ZNF695: variants seen among roughly 807,000 people sequenced by gnomAD.
The protein encoded by ZNF695 is zinc finger protein SBZF3.
In ZNF695, 11 loss-of-function variants were observed where a neutral mutation model predicts 11.2. The observed-to-expected ratio is 0.98, with a 90% CI of 0.62 to 1.62. The LOEUF (loss-of-function observed/expected upper bound fraction) is 1.62, where lower values mean the gene tolerates loss of function less well. Among genes scored for constraint, ZNF695 ranks in the 40% most tolerant of loss-of-function variants. The pLI, the probability that ZNF695 is intolerant of heterozygous loss-of-function variation, is 0.00. For synonymous variants in ZNF695, 190 were observed against 201.4 expected, an observed-to-expected ratio of 0.94 and a Z score of 0.48; for missense variants, 559 against 590.5, an observed-to-expected ratio of 0.95 and a Z score of 0.55.
Position 246,985,935 on chromosome 1 carries a change from G to A in ZNF695, c.*1032C>T. On this transcript the variant is annotated 3_prime_UTR_variant, in exon 4 of 4. Transcript: ENST00000339986. ...CTCTCACAGCTTTCATGTAGCAACAGTAGGCCTCATGCCTTCACATAAACA... is the reference window on the plus strand; with the variant it reads ...CTCTCACAGCTTTCATGTAGCAACAATAGGCCTCATGCCTTCACATAAACA... 1.0e-6 allele frequency: 1 copy of A among 985,452 alleles called. No homozygotes were observed. The highest frequency in any genetic ancestry group is 1.2e-6 in the Non-Finnish European group (1 of 829,934). The allele number at this position is 985,452 out of a possible 1,614,324, so 61.0% of individuals were successfully genotyped here.
chr1:246,974,142 T>TAAAAAAAAA (rs963537852), intron 4 of ZNF695, among the ~76,000 whole-genome samples: 1 of 83,232 alleles, frequency 1.2e-5, no homozygotes, highest in African/African-American at 7.4e-5. Flanking sequence ...TTATTTGGAA[T>TAAAAAAAAA]AAAAAACAAA....
rs533866447 is a variant in ZNF695 at position 246,986,232 on chromosome 1, C to T, written c.*735G>A. The T allele has an allele frequency of 2.4e-4, 132 of 539,358 alleles. 1 individual carries two copies. Among genetic ancestry groups the T allele is most frequent in the Non-Finnish European group, 2.8e-4 (120 of 422,774 alleles). The allele number at this position is 539,358 out of a possible 1,614,324, so 33.4% of individuals were successfully genotyped here. On this transcript the variant is annotated 3_prime_UTR_variant, in exon 4 of 4. Transcript: ENST00000339986. ...AACAGGCATGTGCCACCAAGCCTGG[C>T]TTTTATTTTACTTTTTGTAGAGATG... is the stretch of plus-strand genomic sequence containing the variant.
intron 5 of ZNF695, among the ~76,000 whole-genome samples, chr1:246,963,547 G>A (rs75893330): frequency 3.3e-4 from 50 of 152,296 alleles, no homozygotes; most frequent in Non-Finnish European, 6.2e-4. Context: ...TAAATTCTAC[G>A]CTAGATGACA....
chr1:246,997,636 G>C (rs138551903), intron 3 of ZNF695, among the ~76,000 whole-genome samples: 8 of 152,230 alleles, frequency 5.3e-5, no homozygotes, highest in Admixed American at 5.2e-4. Flanking sequence ...TACAGCATTA[G>C]TCATAATTGC....
At chr1:246,993,238 C>T (rs1007297389) in intron 3 of ZNF695, among the ~76,000 whole-genome samples, 1 of 152,072 alleles carries the variant, frequency 6.6e-6, no homozygotes, top group African/African-American at 2.4e-5. Context: ...GAAACCACAT[C>T]TCTACTAAAA....
rs1255747868 is a variant in ZNF695 at position 246,986,656 on chromosome 1, A to T, written c.*311T>A. 2.8e-6 allele frequency: 3 copies of T among 1,063,932 alleles called. No homozygotes were observed. The highest frequency in any genetic ancestry group is 4.3e-4 in the Middle Eastern group (1 of 2,326). The allele number at this position is 1,063,932 out of a possible 1,614,324, so 65.9% of individuals were successfully genotyped here. A position where few individuals can be genotyped will look rare whatever the true frequency, so the allele number is the denominator to read the frequency against. ...AACAAATGTTGTTTCTGCATTTATT[A>T]CATTTGTAGGGTTTCTCTCCAATAC... On this transcript the variant is annotated 3_prime_UTR_variant, in exon 4 of 4. Transcript: ENST00000339986.
At chr1:246,984,029 C>A (rs958454017), downstream of ZNF695, among the ~76,000 whole-genome samples, 66 of 150,350 alleles carry the variant, frequency 4.4e-4, no homozygotes, top group African/African-American at 1.5e-3. Flanking sequence ...GTGCACACTT[C>A]TAGTCCCAGC....
At chr1:246,982,400 T>C (rs980257333), downstream of ZNF695, among the ~76,000 whole-genome samples, 1 of 152,184 alleles carries the variant, frequency 6.6e-6, no homozygotes, top group East Asian at 1.9e-4. Flanking sequence ...AAGTGTTTCA[T>C]AGAAAATTAA....
At chr1:246,950,586 G>A (rs971005803) in intron 5 of ZNF695, among the ~76,000 whole-genome samples, 12 of 147,118 alleles carry the variant, frequency 8.2e-5, no homozygotes, top group Admixed American at 2.1e-4. Flanking sequence ...GGGAGGCAGA[G>A]GTTGCAGTGA....
chr1:246,968,221 C>T (rs980995370), intron 4 of ZNF695: 8 of 152,228 alleles, frequency 5.3e-5, no homozygotes, highest in African/African-American at 1.2e-4. Flanking sequence ...GGTAAATGTT[C>T]CTGTTCCAAA....
At chr1:246,959,122 CA>C (rs1355660002) in intron 5 of ZNF695, among the ~76,000 whole-genome samples, 1 of 149,868 alleles carries the variant, frequency 6.7e-6, no homozygotes, top group African/African-American at 2.5e-5. Flanking sequence ...CCTGTCTCTA[CA>C]ACAAAATTTA....
chr1:246,994,752 G>A (rs1328700855), intron 3 of ZNF695, among the ~76,000 whole-genome samples: 1 of 151,608 alleles, frequency 6.6e-6, no homozygotes, highest in Admixed American at 6.6e-5. Context: ...CAGGAGAATG[G>A]CGTGAACCCG....
chr1:246,986,339 A>G lies in ZNF695; in HGVS notation c.*628T>C. On this transcript the variant is annotated 3_prime_UTR_variant, in exon 4 of 4. Transcript: ENST00000339986. ...GACCTCGGCATCCAAAAGTGCAGCA[A>G]CTATAGGAAAGAGCCACCGTGCCTG... is the stretch of plus-strand genomic sequence containing the variant. 2 of 981,768 alleles carry G rather than the reference A, an allele frequency of 2.0e-6. No individual in the cohort carries two copies. Among genetic ancestry groups the G allele is most frequent in the South Asian group, 9.4e-5 (2 of 21,226 alleles). 60.8% of individuals were successfully genotyped at this position (981,768 alleles called of 1,614,324 possible).
chr1:246,959,066 G>T (rs532034320), intron 5 of ZNF695, among the ~76,000 whole-genome samples: 1 of 151,488 alleles, frequency 6.6e-6, no homozygotes, highest in African/African-American at 2.4e-5. Context: ...AGGTGGGATT[G>T]CTTGAGGCCA....
At chr1:246,981,771 GA>G (rs1668716612), downstream of ZNF695, among the ~76,000 whole-genome samples, 2 of 152,080 alleles carry the variant, frequency 1.3e-5, no homozygotes, top group African/African-American at 4.8e-5. Context: ...TAGAAACACA[GA>G]AAACAATTTA....
At chr1:246,967,017 C>T (rs1668307845) in intron 5 of ZNF695, among the ~76,000 whole-genome samples, 1 of 152,192 alleles carries the variant, frequency 6.6e-6, no homozygotes, top group African/African-American at 2.4e-5. Flanking sequence ...TGGCTCACCA[C>T]AACCTCCGCC....
rs534934164 is a variant in ZNF695, at chr1:246,985,358, T to A, written c.*1609A>T. On this transcript the variant is annotated 3_prime_UTR_variant, in exon 4 of 4. Coordinates refer to ENST00000339986, the MANE Select transcript of ZNF695 (RefSeq NM_020394.5). ...ATCCTATATAGGCTTTATTATAGCC[T>A]TAATAATGACACTGTCATTACAAAA... 9.0e-5 allele frequency: 89 copies of A among 984,398 alleles called. No homozygotes were observed. The Middle Eastern group carries it at 2.6e-3, about 29-fold the overall frequency. The allele number at this position is 984,398 out of a possible 1,614,324, so 61.0% of individuals were successfully genotyped here.
chr1:246,946,455 C>A (rs1667738029), intron 5 of ZNF695, among the ~76,000 whole-genome samples: 2 of 152,222 alleles, frequency 1.3e-5, no homozygotes, highest in Admixed American at 1.3e-4. Context: ...CCCTCTCGGA[C>A]TTTTACTTAT....
rs773419122 is a variant in ZNF695 at position 246,987,533 on chromosome 1, C to A, written c.982G>T (p.Glu328Ter). The part of the protein sequence containing the change: ...HSREKPYKCE[E>*]CGKVFKLLSY... ...AACAATTTAAAGACTTTGCCACATT[C>A]TTCACACTTGTAGGGTTTCTCTCTA... Residue 328 changes from glutamate (E) to a stop codon, truncating the protein, a stop_gained, in exon 4 of 4, where the codon GAA (glutamate) becomes TAA (stop). Coordinates refer to ENST00000339986, the MANE Select transcript of ZNF695 (RefSeq NM_020394.5). LOFTEE classifies it low-confidence loss of function (END_TRUNC). 16 of 1,604,156 alleles carry A rather than the reference C, an allele frequency of 1.0e-5. No individual in the cohort carries two copies. In the African/African-American group the frequency reaches 1.7e-4, roughly 17 times the overall value.
Sources: gnomAD v4.1 joint callset for allele counts (sites outside exome capture counted in the v4.1 genomes callset) on GRCh38, gnomAD v4.1.1 for gene constraint, MANE v1.5 for transcripts, NCBI Gene and HGNC (gene_info 2026-07-23, HGNC 2026-07-21) for gene names.